The following DNAI1 variants were observed in gnomAD, a reference collection of about 807,000 sequenced individuals.
DNAI1 encodes the protein dynein, axonemal, intermediate polypeptide 1.
Under a neutral mutation model 92.0 loss-of-function variants are expected in DNAI1, and 67 were observed. That is an observed-to-expected ratio of 0.73 (90% confidence interval 0.60 to 0.89). DNAI1 has a LOEUF of 0.89. Ranked by LOEUF, DNAI1 falls within the 40% of genes least tolerant of loss-of-function variation. The pLI is 0.00. For missense variants in DNAI1, 839 were observed against 866.6 expected (o/e 0.97, Z 0.40); for synonymous variants, 323 against 319.6 (o/e 1.01, Z -0.11).
At chr9:34,497,433 T>C (rs547714827) in intron 10 of DNAI1, among the ~76,000 whole-genome samples, 81 of 152,330 alleles carry the variant, frequency 5.3e-4, no homozygotes, top group Admixed American at 4.6e-3. Context: ...CAGCAAAGAA[T>C]ACCTGCACAT....
In DNAI1 at chr9:34,491,480, T is replaced by G; in HGVS notation, c.622-15T>G. ...TGAGGGCTTTTTGTGGGTCTCCTGT[T>G]GTCTTGTTCTTTAGGATCGAGAATG... is the stretch of plus-strand genomic sequence containing the variant. On this transcript the variant is annotated splice_polypyrimidine_tract_variant and intron_variant, in intron 7 of 19. Coordinates refer to ENST00000242317, the MANE Select transcript of DNAI1 (RefSeq NM_012144.4). 1 of 1,614,154 alleles carries G rather than the reference T, an allele frequency of 6.2e-7. No individual in the cohort carries two copies.
rs571856314 is a variant in DNAI1 at position 34,502,178 on chromosome 9, G to GT, written c.1063+1000dup. Among the ~76,000 whole-genome samples the GT allele has an allele frequency of 2.3e-4, 35 of 152,332 alleles. No homozygotes were observed. The East Asian group carries it at 5.4e-3, about 24-fold the overall frequency. On this transcript the variant is annotated intron_variant, in intron 12 of 19. Coordinates refer to ENST00000242317, the MANE Select transcript of DNAI1 (RefSeq NM_012144.4). ...ACCAGGGTGGGGAGGGGCAGTGGGTGTTTGTCATTCCTCTCAGGGAGGAGA... is the reference window on the plus strand; with the variant it reads ...ACCAGGGTGGGGAGGGGCAGTGGGTGTTTTGTCATTCCTCTCAGGGAGGAGA...
intron 13 of DNAI1, among the ~76,000 whole-genome samples, chr9:34,508,288 C>G (rs1824982630): frequency 6.6e-6 from 1 of 152,216 alleles, no homozygotes; most frequent in Non-Finnish European, 1.5e-5. Context: ...GAGGACTGCC[C>G]AGGCACAGGG....
Position 34,490,026 on chromosome 9 carries a change from G to A in DNAI1, c.403G>A (p.Val135Ile), listed in dbSNP as rs754452989. 6.2e-7 allele frequency: 1 copy of A among 1,614,140 alleles called. No individual in the cohort carries two copies. Among genetic ancestry groups the A allele is most frequent in the East Asian group, 2.2e-5 (1 of 44,886 alleles). ...ATCCTACCAAGGTTCTCAGGAGTCT[G>A]TCAAGGTGATTTCAGAAACAGGAAA... ...DELVAGSQES[V>I]KVISETGNLE... Residue 135 changes from valine (V) to isoleucine (I), a missense_variant, in exon 6 of 20, where the codon GTC becomes ATC. Coordinates refer to ENST00000242317, the MANE Select transcript of DNAI1 (RefSeq NM_012144.4).
intron 10 of DNAI1, among the ~76,000 whole-genome samples, chr9:34,499,782 A>G (rs1283929011): frequency 6.6e-6 from 1 of 152,182 alleles, no homozygotes; most frequent in Non-Finnish European, 1.5e-5. Flanking sequence ...GCATGATTTG[A>G]TATGGAGGGG....
chr9:34,497,158 A>AGC lies in DNAI1; in HGVS notation c.862_863dup (p.Met289GlyfsTer71). The AGC allele has an allele frequency of 6.2e-7, 1 of 1,614,162 alleles. No homozygotes were observed. The highest frequency in any genetic ancestry group is 8.5e-7 in the Non-Finnish European group (1 of 1,179,988). Reference sequence around the variant, plus strand: ...TTGTCCCAAGCTGCTAAGATCATGGAGCGGATGGTCAACCAGAATACATAT... The same window carrying AGC: ...TTGTCCCAAGCTGCTAAGATCATGGAGCGCGGATGGTCAACCAGAATACATAT... On this transcript the variant is annotated frameshift_variant, in exon 10 of 20. Coordinates refer to ENST00000242317, the MANE Select transcript of DNAI1 (RefSeq NM_012144.4). LOFTEE classifies it high-confidence loss of function.
chr9:34,461,134 A>G (rs1037741808), intron 1 of DNAI1, among the ~76,000 whole-genome samples: 2 of 151,736 alleles, frequency 1.3e-5, no homozygotes, highest in African/African-American at 4.8e-5. Context: ...GGGCCACCGC[A>G]CCCAGCCAAT....
At chr9:34,501,260 C>A in intron 12 of DNAI1, 79 bp downstream of exon 12, 1 of 1,226,142 alleles carries the variant, frequency 8.2e-7, no homozygotes. Context: ...AACTCTTTGC[C>A]AGTTGTAAGA....
Position 34,507,020 on chromosome 9 carries a change from A to G in DNAI1, c.1311+146A>G, listed in dbSNP as rs10814118. On this transcript the variant is annotated intron_variant, in intron 13 of 19. Coordinates refer to ENST00000242317, the MANE Select transcript of DNAI1 (RefSeq NM_012144.4). Reference sequence around the variant, plus strand: ...CATCAGGTCAGGATCTGGGTGTCAGAAAAGGGCAGAAGGTGAAAATCAGGA... The same window carrying G: ...CATCAGGTCAGGATCTGGGTGTCAGGAAAGGGCAGAAGGTGAAAATCAGGA... 0.16 allele frequency: 204,295 copies of G among 1,263,778 alleles called. 18,176 individuals carry two copies. The highest frequency in any genetic ancestry group is 0.31 in the African/African-American group (20,721 of 67,576). The allele number at this position is 1,263,778 out of a possible 1,614,324, so 78.3% of individuals were successfully genotyped here.
intron 10 of DNAI1, among the ~76,000 whole-genome samples, chr9:34,499,769 T>C (rs1329882696): frequency 1.3e-5 from 2 of 152,154 alleles, no homozygotes; most frequent in East Asian, 1.9e-4. Context: ...ACTGGACTCA[T>C]TGGCATGATT....
chr9:34,459,682 G>A (rs940634890), intron 1 of DNAI1, among the ~76,000 whole-genome samples: 8 of 152,330 alleles, frequency 5.3e-5, no homozygotes, highest in South Asian at 2.1e-4. Context: ...CTGAGCTCAA[G>A]CGATCCTCCT....
intron 1 of DNAI1, among the ~76,000 whole-genome samples, chr9:34,481,286 G>A (rs753623838): frequency 6.6e-6 from 1 of 152,202 alleles, no homozygotes; most frequent in Non-Finnish European, 1.5e-5. Context: ...TTATTGCCTG[G>A]TACAGAGATG....
chr9:34,485,221 A>G lies in DNAI1; in HGVS notation c.161A>G (p.Gln54Arg). The G allele has an allele frequency of 6.2e-7, 1 of 1,614,208 alleles. No individual in the cohort carries two copies. Among genetic ancestry groups the G allele is most frequent in the Non-Finnish European group, 8.5e-7 (1 of 1,180,026 alleles). Residue 54 changes from glutamine to arginine, a missense_variant, in exon 3 of 20, where the codon CAG (glutamine) becomes CGG (arginine). Gln to Arg is a conservative substitution (Grantham distance 43). Transcript: ENST00000242317. ...QSKATVRPPD[Q>R]LELTDAELKE... ...AAAGCCACAGTTAGACCCCCTGACCAGCTGGAGTTGACCGATGCGGTGAGT... is the reference window on the plus strand; with the variant it reads ...AAAGCCACAGTTAGACCCCCTGACCGGCTGGAGTTGACCGATGCGGTGAGT...
rs146817163 is a variant in DNAI1, at chr9:34,471,841, A to C, written c.49-11607A>C. 1.2e-3 allele frequency among the ~76,000 whole-genome samples: 178 copies of C among 152,334 alleles called. 1 individual carries two copies. The highest frequency in any genetic ancestry group is 4.0e-3 in the African/African-American group (165 of 41,574). ...AAAATCCTATAATGATGACATCTCA[A>C]TAGATTCAGAAACAAAAACATTGAC... On this transcript the variant is annotated intron_variant, in intron 1 of 19. Transcript: ENST00000242317.
At chr9:34,467,788 T>G (rs1047632119) in intron 1 of DNAI1, among the ~76,000 whole-genome samples, 9 of 152,290 alleles carry the variant, frequency 5.9e-5, no homozygotes, top group African/African-American at 2.2e-4. Flanking sequence ...GACACTAATG[T>G]TTTTCGGTAT....
intron 1 of DNAI1, among the ~76,000 whole-genome samples, chr9:34,462,714 G>A (rs1267652973): frequency 6.6e-6 from 1 of 152,202 alleles, no homozygotes; most frequent in Admixed American, 6.5e-5. Context: ...GTACATGTTT[G>A]TATCTGCTTT....
At chr9:34,511,259 A>G (rs1825059842) in intron 13 of DNAI1, among the ~76,000 whole-genome samples, 1 of 152,238 alleles carries the variant, frequency 6.6e-6, no homozygotes, top group Admixed American at 6.5e-5. Context: ...CAAGCGTGTC[A>G]TCTTCATAAG....
intron 13 of DNAI1, among the ~76,000 whole-genome samples, chr9:34,511,612 T>C (rs1825066006): frequency 6.6e-6 from 1 of 152,232 alleles, no homozygotes; most frequent in Non-Finnish European, 1.5e-5. Context: ...TATCGAATAC[T>C]TCATATGTGC....
intron 12 of DNAI1, among the ~76,000 whole-genome samples, chr9:34,501,495 G>T (rs921654741): frequency 6.6e-6 from 1 of 152,240 alleles, no homozygotes; most frequent in Non-Finnish European, 1.5e-5. Flanking sequence ...GAAGCTGCTG[G>T]GGGGGCCAGG....
Sources: allele counts gnomAD v4.1 joint callset (sites outside exome capture counted in the v4.1 genomes callset), GRCh38; gene constraint gnomAD v4.1.1; transcripts MANE v1.5; gene names NCBI Gene and HGNC (gene_info 2026-07-23, HGNC 2026-07-21).